Variants in PLB1 observed in about 807,000 individuals in gnomAD.
The protein encoded by PLB1 is phospholipase B1.
PLB1 carries 242 observed loss-of-function variants against 227.4 expected under a neutral mutation model. That is an observed-to-expected ratio of 1.06 (90% CI 0.96 to 1.18). PLB1 has a LOEUF of 1.18. PLB1 is among the 50% of genes most tolerant of loss of function. The pLI, the probability that PLB1 is intolerant of heterozygous loss-of-function variation, is 0.00. For missense variants in PLB1, 1,858 were observed against 1,816.3 expected, an observed-to-expected ratio of 1.02 and a Z score of -0.42; for synonymous variants, 757 against 682.2, an observed-to-expected ratio of 1.11 and a Z score of -1.71.
At chr2:28,556,274 CA>C (rs1387337433) in intron 17 of PLB1, among the ~76,000 whole-genome samples, 3 of 152,176 alleles carry the variant, frequency 2.0e-5, no homozygotes, top group Admixed American at 2.0e-4. Flanking sequence ...AAATGAGATG[CA>C]ACCTGTCATC....
rs545052879 is a variant in PLB1 at position 28,640,933 on chromosome 2, C to T, written c.4105C>T (p.Pro1369Ser). 1 of 1,613,526 alleles carries T rather than the reference C, an allele frequency of 6.2e-7. No homozygotes were observed. Among genetic ancestry groups the T allele is most frequent in the Admixed American group, 1.7e-5 (1 of 59,976 alleles). ...GTCCTTTCTCTCTCTCCAGCTGGAA[C>T]CAGTGGGCCGCAAGACTACCTCCAA... is the stretch of plus-strand genomic sequence containing the variant. ...AIALWNNMLE[P>S]VGRKTTSNNF... Residue 1369 changes from proline (P) to serine (S), a missense_variant, in exon 57 of 58, where the codon CCA becomes TCA. By Grantham distance (74) the Pro-to-Ser change is moderately conservative (BLOSUM62 -1). Transcript: ENST00000327757.
Position 28,605,958 on chromosome 2 carries a change from G to A in PLB1, c.3057+10G>A, listed in dbSNP as rs772972468. On this transcript the variant is annotated intron_variant, in intron 42 of 57. Transcript: ENST00000327757. Reference sequence around the variant, plus strand: ...CCTTTGGACCAATATGGTAAAATAAGTGGGGTGTTCCTTGTTCTCTGGGGT... The same window carrying A: ...CCTTTGGACCAATATGGTAAAATAAATGGGGTGTTCCTTGTTCTCTGGGGT... The A allele has an allele frequency of 1.3e-6, 2 of 1,589,304 alleles. No homozygotes were observed. The highest frequency in any genetic ancestry group is 1.7e-6 in the Non-Finnish European group (2 of 1,157,450).
intron 15 of PLB1, among the ~76,000 whole-genome samples, chr2:28,549,412 CTTTT>C (rs746205635): frequency 6.9e-5 from 6 of 87,300 alleles, no homozygotes; most frequent in African/African-American, 1.8e-4. Context: ...GAGATTCTTT[CTTTT>C]TTTTTTTTTT....
chr2:28,620,935 G>T lies in PLB1; in HGVS notation c.3484G>T (p.Gly1162Trp). The change falls in exon 49 of 58, where the codon GGG becomes TGG. Residue 1162 changes from glycine to tryptophan, a missense_variant. Transcript: ENST00000327757. ...TGGCTTCTCTACCAGCACCTGGGAG[G>T]GGACAGCAGGACTAAATGTGGCAGC... Reference protein sequence around the residue: ...LLGFSTSTWEGTAGLNVAAEG... With the variant: ...LLGFSTSTWEWTAGLNVAAEG... 6.2e-7 allele frequency: 1 copy of T among 1,613,882 alleles called. No homozygotes were observed. Among genetic ancestry groups the T allele is most frequent in the Non-Finnish European group, 8.5e-7 (1 of 1,179,878 alleles).
At chr2:28,600,887 A>G in intron 36 of PLB1, 27 bp downstream of exon 36, 1 of 1,592,162 alleles carries the variant, frequency 6.3e-7, no homozygotes, top group Non-Finnish European at 8.6e-7. Flanking sequence ...GTTATTTCTA[A>G]ACATTAATTT....
At position 28,585,702 on chromosome 2, in the gene PLB1, C is replaced by T; in HGVS notation, c.1734-59C>T. ...GAGTCTCAAGCCAGCGTTTCTGCATCACTTATTCAGGATGGTGATCTTGGT... is the reference window on the plus strand; with the variant it reads ...GAGTCTCAAGCCAGCGTTTCTGCATTACTTATTCAGGATGGTGATCTTGGT... On this transcript the variant is annotated intron_variant, in intron 25 of 57. Transcript: ENST00000327757. The T allele has an allele frequency of 3.0e-6, 4 of 1,351,008 alleles. 1 individual carries two copies. The South Asian group carries it at 4.7e-5, about 16-fold the overall frequency. 83.7% of individuals were successfully genotyped at this position (1,351,008 alleles called of 1,614,324 possible).
chr2:28,541,665 GCTCATGTT>G (rs1672501014), intron 12 of PLB1, 34 bp from the exon 13 acceptor site: 9 of 1,518,084 alleles, frequency 5.9e-6, no homozygotes, highest in Non-Finnish European at 7.3e-6. Context: ...GCTCTGCCTC[GCTCATGTT>G]CCTGGATGGG....
chr2:28,581,920 C>A, intron 23 of PLB1, 148 bp from the exon 24 acceptor site: 1 of 643,292 alleles, frequency 1.6e-6, no homozygotes, highest in Non-Finnish European at 2.6e-6. Flanking sequence ...ATGATCACAC[C>A]ACTGCACTCC....
At chr2:28,617,839 GGT>G in intron 45 of PLB1, 52 bp downstream of exon 45, 1 of 1,545,626 alleles carries the variant, frequency 6.5e-7, no homozygotes, top group Non-Finnish European at 8.9e-7. Flanking sequence ...CCGAATATCA[GGT>G]TGTGGGGAGA....
At chr2:28,630,529 G>C (rs1688462305) in intron 53 of PLB1, 57 bp from the exon 54 acceptor site, 1 of 1,501,362 alleles carries the variant, frequency 6.7e-7, no homozygotes, top group East Asian at 2.3e-5. Context: ...CAGCCTCCCA[G>C]GAGGACAGAG....
intron 26 of PLB1, among the ~76,000 whole-genome samples, chr2:28,588,247 C>G (rs1281487334): frequency 2.0e-5 from 3 of 152,194 alleles, no homozygotes; most frequent in East Asian, 1.9e-4. Context: ...CTGGCTATCC[C>G]CCGAGTAACC....
intron 17 of PLB1, among the ~76,000 whole-genome samples, chr2:28,554,979 G>A (rs980381659): frequency 3.9e-5 from 6 of 152,138 alleles, no homozygotes; most frequent in Admixed American, 1.3e-4. Context: ...TCTGACCAAG[G>A]TGAGCATGGG....
Position 28,585,821 on chromosome 2 carries a change from C to T in PLB1, c.1794C>T (p.Ile598=), listed in dbSNP as rs372337578. 41 of 1,609,860 alleles carry T rather than the reference C, an allele frequency of 2.5e-5. No homozygotes were observed. The highest frequency in any genetic ancestry group is 3.2e-5 in the Non-Finnish European group (38 of 1,176,306). The change falls in exon 26 of 58, where the codon ATC becomes ATT. Residue 598 remains isoleucine (I), a synonymous_variant. Coordinates refer to ENST00000327757, the MANE Select transcript of PLB1 (RefSeq NM_153021.5). ...DDNSTELATL[I]EFNKKFQEKT... is the part of the protein sequence containing the mutation. ...ACTCAACAGAACTTGCTACCCTCAT[C>T]GAATTCAACAAGAAGTTTCAGGTAA...
intron 18 of PLB1, among the ~76,000 whole-genome samples, chr2:28,563,782 T>C (rs575378831): frequency 6.6e-6 from 1 of 152,038 alleles, no homozygotes; most frequent in Admixed American, 6.5e-5. Context: ...CTCATCAGAG[T>C]CCAGCTGCTA....
chr2:28,597,060 G>A (rs544069666), intron 33 of PLB1, among the ~76,000 whole-genome samples: 8 of 152,160 alleles, frequency 5.3e-5, no homozygotes, highest in South Asian at 4.2e-4. Context: ...TCAGGAGATC[G>A]AGACCATCCT....
At chr2:28,533,848 T>C (rs74477258) in intron 9 of PLB1, among the ~76,000 whole-genome samples, 1 of 152,218 alleles carries the variant, frequency 6.6e-6, no homozygotes, top group Non-Finnish European at 1.5e-5. Flanking sequence ...TGAATACATG[T>C]TGTATTCTTG....
At chr2:28,572,448 C>T (rs1428321147) in intron 20 of PLB1, among the ~76,000 whole-genome samples, 1 of 152,138 alleles carries the variant, frequency 6.6e-6, no homozygotes, top group Non-Finnish European at 1.5e-5. Context: ...AACTTGTACA[C>T]AAATGTTCAT....
At chr2:28,600,503 C>CCTAAAGGAT (rs1274864002) in intron 35 of PLB1, among the ~76,000 whole-genome samples, 6 of 152,194 alleles carry the variant, frequency 3.9e-5, no homozygotes, top group African/African-American at 1.4e-4. Context: ...GATGAATGGT[C>CCTAAAGGAT]TCTTAGCATG....
chr2:28,566,671 G>A, intron 19 of PLB1, 125 bp from the exon 20 acceptor site: 2 of 1,032,240 alleles, frequency 1.9e-6, no homozygotes, highest in Admixed American at 1.8e-5. Flanking sequence ...AAGTGATGGG[G>A]AAAGTGCAAG....
Sources: gnomAD v4.1 joint callset for allele counts (sites outside exome capture counted in the v4.1 genomes callset) on GRCh38, gnomAD v4.1.1 for gene constraint, MANE v1.5 for transcripts, NCBI Gene and HGNC (gene_info 2026-07-23, HGNC 2026-07-21) for gene names.